Variants in PLEKHG1 observed in about 807,000 individuals in gnomAD.
PLEKHG1 encodes pleckstrin homology and RhoGEF domain containing G1.
Under a neutral mutation model 100.8 loss-of-function variants are expected in PLEKHG1, and 44 were observed. The observed-to-expected ratio is 0.44, with a 90% confidence interval of 0.34 to 0.56. The LOEUF (loss-of-function observed/expected upper bound fraction) is 0.56. PLEKHG1 is among the 20% of genes least tolerant of loss of function. The pLI is 0.01. For missense variants in PLEKHG1, 1,545 were observed against 1,720.9 expected (o/e 0.90, Z 1.81); for synonymous variants, 640 against 662.5 (o/e 0.97, Z 0.52).
intron 3 of PLEKHG1, among the ~76,000 whole-genome samples, chr6:150,704,042 T>C (rs1780906474): frequency 6.6e-6 from 1 of 151,594 alleles, no homozygotes; most frequent in Non-Finnish European, 1.5e-5. Context: ...AGTGCAACAA[T>C]TGCAAATAAC....
chr6:150,612,059 C>G (rs866734871), intron 1 of PLEKHG1, among the ~76,000 whole-genome samples: 6,520 of 74,272 alleles, frequency 0.088, 146 homozygotes, highest in Middle Eastern at 0.15. Context: ...CCCCCCCCCC[C>G]CTTTTCTAGT....
At chr6:150,602,674 G>A (rs1022365165) in intron 1 of PLEKHG1, among the ~76,000 whole-genome samples, 1 of 152,088 alleles carries the variant, frequency 6.6e-6, no homozygotes, top group African/African-American at 2.4e-5. Context: ...GAAGATGATT[G>A]TTGTTGATAA....
At chr6:150,779,344 G>GTTTGTTTTTTTTTTTTTTTTT (rs1257363893) in intron 3 of PLEKHG1, among the ~76,000 whole-genome samples, 9 of 104,532 alleles carry the variant, frequency 8.6e-5, no homozygotes, top group South Asian at 3.4e-4. Flanking sequence ...TTGTCAAGAA[G>GTTTGTTTTTTTTTTTTTTTTT]TTTTTTTTTT....
At chr6:150,789,917 T>C (rs1012651124) in intron 4 of PLEKHG1, among the ~76,000 whole-genome samples, 3 of 152,170 alleles carry the variant, frequency 2.0e-5, no homozygotes, top group Admixed American at 6.5e-5. Flanking sequence ...TCTATAGCAG[T>C]CGAGGTGTTT....
chr6:150,748,957 C>T (rs1295303482), intron 2 of PLEKHG1, among the ~76,000 whole-genome samples: 4 of 152,042 alleles, frequency 2.6e-5, no homozygotes, highest in Non-Finnish European at 5.9e-5. Flanking sequence ...CTATGACCTG[C>T]AGTTTCTTCA....
At chr6:150,630,522 G>T (rs1193056009) in intron 1 of PLEKHG1, among the ~76,000 whole-genome samples, 1 of 152,186 alleles carries the variant, frequency 6.6e-6, no homozygotes, top group African/African-American at 2.4e-5. Context: ...CTGAATATCT[G>T]AGTACAGTTG....
chr6:150,699,182 G>A (rs1780668227), intron 3 of PLEKHG1, among the ~76,000 whole-genome samples: 1 of 152,178 alleles, frequency 6.6e-6, no homozygotes, highest in Non-Finnish European at 1.5e-5. Flanking sequence ...GGGTACAGGA[G>A]GGCCCTTTGT....
At chr6:150,706,019 G>A (rs1780991019) in intron 3 of PLEKHG1, among the ~76,000 whole-genome samples, 2 of 151,986 alleles carry the variant, frequency 1.3e-5, no homozygotes, top group Admixed American at 6.6e-5. Context: ...CAGTTTTATA[G>A]TCATTGTTTA....
intron 3 of PLEKHG1, among the ~76,000 whole-genome samples, chr6:150,699,125 T>C (rs1780665060): frequency 6.6e-6 from 1 of 152,260 alleles, no homozygotes; most frequent in Admixed American, 6.5e-5. Flanking sequence ...TTTCTGTTAT[T>C]ATACTACAGG....
intron 3 of PLEKHG1, among the ~76,000 whole-genome samples, chr6:150,779,409 G>A (rs190593350): frequency 2.0e-5 from 3 of 147,508 alleles, no homozygotes; most frequent in African/African-American, 5.1e-5. Context: ...GCAATGGCGC[G>A]ATCTCAGCTC....
intron 2 of PLEKHG1, among the ~76,000 whole-genome samples, chr6:150,640,394 G>T (rs920789606): frequency 6.6e-6 from 1 of 152,170 alleles, no homozygotes; most frequent in Non-Finnish European, 1.5e-5. Context: ...CATCTACCAA[G>T]AACCATCATG....
At position 150,690,368 on chromosome 6, in the gene PLEKHG1, C is replaced by T. The variant is rs547746618; in HGVS notation, c.-99+39582C>T. Among the ~76,000 whole-genome samples, 13 of 152,090 alleles carry T rather than the reference C, an allele frequency of 8.5e-5. No individual in the cohort carries two copies. The South Asian group carries it at 1.7e-3, about 20-fold the overall frequency. On this transcript the variant is annotated intron_variant, in intron 3 of 3. Coordinates refer to the PLEKHG1 transcript ENST00000367326. Reference sequence around the variant, plus strand: ...CCCCACCAACATCGTTACTGTTTCTCGGTGCTGGGCTCAGGAACTGACAGC... The same window carrying T: ...CCCCACCAACATCGTTACTGTTTCTTGGTGCTGGGCTCAGGAACTGACAGC...
At chr6:150,669,251 G>A (rs1375652367) in intron 3 of PLEKHG1, among the ~76,000 whole-genome samples, 1 of 152,202 alleles carries the variant, frequency 6.6e-6, no homozygotes, top group Non-Finnish European at 1.5e-5. Context: ...TAGCTGGGAT[G>A]TGTTTTTGCT....
At position 150,831,847 on chromosome 6, in the gene PLEKHG1, C is replaced by T. The variant is rs146113676; in HGVS notation, c.2736C>T (p.Arg912=). The T allele has an allele frequency of 1.9e-4, 304 of 1,612,666 alleles. No individual in the cohort carries two copies. The African/African-American group carries it at 2.0e-3, about 11-fold the overall frequency. Reference sequence around the variant, plus strand: ...AGAGCAGGGCTGGCAGAGCCAGCCGCGCCAACTGCCCCTTTGAGGAAGACC... The same window carrying T: ...AGAGCAGGGCTGGCAGAGCCAGCCGTGCCAACTGCCCCTTTGAGGAAGACC... The change falls in exon 15 of 16, where the codon CGC becomes CGT. Residue 912 remains arginine (R), a synonymous_variant. Transcript: ENST00000358517. This position sits in a 1 kb window ranked among gnomAD's most constrained non-coding sequence, Gnocchi z 4.1.
intron 4 of PLEKHG1, among the ~76,000 whole-genome samples, chr6:150,794,549 C>A (rs990780500): frequency 1.1e-4 from 16 of 152,070 alleles, no homozygotes; most frequent in Non-Finnish European, 2.1e-4. Flanking sequence ...CACCTGTAGT[C>A]CCAGCTACTC....
chr6:150,792,463 G>A (rs942528524), intron 4 of PLEKHG1, among the ~76,000 whole-genome samples: 27 of 150,680 alleles, frequency 1.8e-4, no homozygotes, highest in African/African-American at 6.4e-4. Context: ...ACCTGAAGTC[G>A]GGAGTTCGAG....
intron 3 of PLEKHG1, among the ~76,000 whole-genome samples, chr6:150,697,254 A>G (rs188116436): frequency 6.6e-6 from 1 of 152,256 alleles, no homozygotes; most frequent in Non-Finnish European, 1.5e-5. Context: ...CTCAACCTTT[A>G]AGAAGGTGGA....
At chr6:150,606,785 C>T (rs575338530) in intron 1 of PLEKHG1, among the ~76,000 whole-genome samples, 179 of 152,236 alleles carry the variant, frequency 1.2e-3, no homozygotes, top group African/African-American at 4.1e-3. Flanking sequence ...TTCAGTTCAA[C>T]ATGTCACCCA....
chr6:150,828,867 G>A (rs1419534554), intron 14 of PLEKHG1, among the ~76,000 whole-genome samples: 2 of 152,044 alleles, frequency 1.3e-5, no homozygotes, highest in Non-Finnish European at 2.9e-5. Flanking sequence ...GTCTGAGTAA[G>A]GTGAAGAGAA....
Sources: gnomAD v4.1 joint callset for allele counts (sites outside exome capture counted in the v4.1 genomes callset) on GRCh38, gnomAD v4.1.1 for gene constraint, Gnocchi (gnomAD v3.1) non-coding constraint, MANE v1.5 for transcripts, NCBI Gene and HGNC (gene_info 2026-07-23, HGNC 2026-07-21) for gene names.